R3HCC1L: variants seen among roughly 807,000 people sequenced by gnomAD.
R3HCC1L encodes the protein coiled-coil domain-containing protein R3HCC1L.
A neutral mutation model predicts 59.9 loss-of-function variants in R3HCC1L; 51 were observed. The ratio of observed to expected loss-of-function variants is 0.85; its 90% CI spans 0.68 to 1.07. The LOEUF (loss-of-function observed/expected upper bound fraction) is 1.07, where lower values mean the gene tolerates loss of function less well. Among genes scored for constraint, R3HCC1L ranks in the 50% least tolerant of loss-of-function variants. The pLI, the probability that R3HCC1L is intolerant of heterozygous loss-of-function variation, is 0.00. For synonymous variants in R3HCC1L, 322 were observed against 315.2 expected (o/e 1.02, Z -0.23); for missense variants, 965 against 933.0 (o/e 1.03, Z -0.45).
At chr10:98,150,946 C>T (rs1420500257) in intron 1 of R3HCC1L, among the ~76,000 whole-genome samples, 1 of 152,162 alleles carries the variant, frequency 6.6e-6, no homozygotes, top group Non-Finnish European at 1.5e-5. Context: ...CCACCTTATT[C>T]TCTTTTTCCG....
chr10:98,243,895 T>C (rs1214291248), intron 9 of R3HCC1L, among the ~76,000 whole-genome samples, 196 bp from the exon 10 acceptor site: 2 of 152,240 alleles, frequency 1.3e-5, no homozygotes, highest in Non-Finnish European at 2.9e-5. Flanking sequence ...TAGTAGTAAA[T>C]GTAATGACTT....
intron 9 of R3HCC1L, among the ~76,000 whole-genome samples, chr10:98,242,335 C>T (rs372543490): frequency 6.6e-6 from 1 of 151,948 alleles, no homozygotes; most frequent in East Asian, 1.9e-4. Flanking sequence ...GGTGACAGAG[C>T]GAGACTCCAT....
intron 4 of R3HCC1L, 33 bp from the exon 5 acceptor site, chr10:98,208,068 G>A (rs763661257): frequency 6.5e-7 from 1 of 1,534,212 alleles, no homozygotes; most frequent in Middle Eastern, 1.7e-4. Flanking sequence ...ATTGTAATTA[G>A]TGTCTAATAA....
intron 5 of R3HCC1L, among the ~76,000 whole-genome samples, chr10:98,229,133 T>C (rs1423938539): frequency 1.3e-5 from 2 of 152,162 alleles, no homozygotes; most frequent in African/African-American, 4.8e-5. Context: ...AAGTCATTGG[T>C]AGCTTGATGG....
At chr10:98,163,901 T>C (rs1847683056) in intron 4 of R3HCC1L, among the ~76,000 whole-genome samples, 1 of 152,246 alleles carries the variant, frequency 6.6e-6, no homozygotes, top group African/African-American at 2.4e-5. Context: ...TTTTAACTTT[T>C]AAATATTACC....
At chr10:98,140,591 CAGAA>C (rs1243608430) in intron 1 of R3HCC1L, among the ~76,000 whole-genome samples, 1 of 151,888 alleles carries the variant, frequency 6.6e-6, no homozygotes. Flanking sequence ...GGGAGGGAGA[CAGAA>C]AGAGTGAATG....
At chr10:98,159,453 G>A (rs1313222908) in intron 2 of R3HCC1L, among the ~76,000 whole-genome samples, 1 of 151,924 alleles carries the variant, frequency 6.6e-6, no homozygotes, top group Non-Finnish European at 1.5e-5. Context: ...AAAGTATTTT[G>A]TGTAAAAATA....
intron 4 of R3HCC1L, among the ~76,000 whole-genome samples, chr10:98,188,339 C>A (rs527336492): frequency 6.6e-6 from 1 of 152,084 alleles, no homozygotes; most frequent in East Asian, 1.9e-4. Flanking sequence ...ATACCCAGCC[C>A]GCATTTACTC....
chr10:98,163,583 A>C (rs1171092383), intron 4 of R3HCC1L, among the ~76,000 whole-genome samples, 186 bp downstream of exon 4: 1 of 152,222 alleles, frequency 6.6e-6, no homozygotes, highest in Non-Finnish European at 1.5e-5. Context: ...TCTATTTACT[A>C]TCTGTCTTAA....
intron 5 of R3HCC1L, among the ~76,000 whole-genome samples, chr10:98,212,767 G>C (rs191719525): frequency 4.6e-5 from 7 of 152,248 alleles, no homozygotes; most frequent in Admixed American, 4.6e-4. Flanking sequence ...GGGATACCAA[G>C]AACATAACAT....
chr10:98,151,722 G>A (rs986836634), intron 1 of R3HCC1L, among the ~76,000 whole-genome samples: 2 of 152,128 alleles, frequency 1.3e-5, no homozygotes, highest in Non-Finnish European at 2.9e-5. Flanking sequence ...CATAGTAAGG[G>A]TGCAGGAGGC....
At chr10:98,176,133 A>G (rs1848994729) in intron 4 of R3HCC1L, among the ~76,000 whole-genome samples, 1 of 152,126 alleles carries the variant, frequency 6.6e-6, no homozygotes, top group Admixed American at 6.6e-5. Context: ...ATACATCTAA[A>G]TGTTTACCCT....
Position 98,208,264 on chromosome 10 carries a change from G to A in R3HCC1L, c.150G>A (p.Lys50=). 6.2e-7 allele frequency: 1 copy of A among 1,613,972 alleles called. No individual in the cohort carries two copies. Among genetic ancestry groups the A allele is most frequent in the Non-Finnish European group, 8.5e-7 (1 of 1,179,960 alleles). ...CACCTAACTCTGTGGTGAAAGAAAAGCAAAAAGAAAGTTCTCTCTCCCAAA... is the reference window on the plus strand; with the variant it reads ...CACCTAACTCTGTGGTGAAAGAAAAACAAAAAGAAAGTTCTCTCTCCCAAA... ...CGSPNSVVKE[K]QKESSLSQKE... The change falls in exon 5 of 10, where the codon AAG becomes AAA. Residue 50 remains lysine, a synonymous_variant. Transcript: ENST00000298999.
chr10:98,241,677 T>C (rs1192418512), intron 9 of R3HCC1L, among the ~76,000 whole-genome samples: 1 of 152,194 alleles, frequency 6.6e-6, no homozygotes, highest in African/African-American at 2.4e-5. Flanking sequence ...GGGACATGTT[T>C]CTTTGTCTTT....
chr10:98,234,355 C>A, intron 6 of R3HCC1L, 91 bp from the exon 7 acceptor site: 2 of 1,174,852 alleles, frequency 1.7e-6, no homozygotes, highest in Non-Finnish European at 2.5e-6. Context: ...GTGTTTCTAT[C>A]TTGTGAAATG....
At chr10:98,175,477 A>G (rs1208104790) in intron 4 of R3HCC1L, among the ~76,000 whole-genome samples, 2 of 152,092 alleles carry the variant, frequency 1.3e-5, no homozygotes, top group Admixed American at 6.6e-5. Flanking sequence ...TCAGCCCCTT[A>G]CCTGACCCCA....
At chr10:98,185,204 A>G (rs918465531) in intron 4 of R3HCC1L, among the ~76,000 whole-genome samples, 5 of 151,872 alleles carry the variant, frequency 3.3e-5, no homozygotes, top group African/African-American at 1.2e-4. Context: ...CCAAATTTGT[A>G]TTTTTGTTTG....
chr10:98,228,280 T>TG (rs1564729170), intron 5 of R3HCC1L, among the ~76,000 whole-genome samples: 2 of 152,214 alleles, frequency 1.3e-5, no homozygotes, highest in African/African-American at 4.8e-5. Flanking sequence ...CCATTCTAAC[T>TG]GGTGTGAGAT....
In R3HCC1L at chr10:98,160,394, TTA is replaced by T. The variant is rs1207886008; in HGVS notation, c.-212-2487_-212-2486del. On this transcript the variant is annotated intron_variant, in intron 2 of 9. Transcript: ENST00000298999. The stretch of plus-strand genomic sequence containing the variant: ...ATCTCACTGATATTTTAATAATAGT[TTA>T]TGTTGATTATGTGTTGAAATATTTT... Among the ~76,000 whole-genome samples the T allele has an allele frequency of 4.6e-5, 7 of 152,208 alleles. No individual in the cohort carries two copies. In the South Asian group the frequency reaches 1.2e-3, roughly 27 times the overall value.
Sources: gnomAD v4.1 joint callset for allele counts (sites outside exome capture counted in the v4.1 genomes callset) on GRCh38, gnomAD v4.1.1 for gene constraint, MANE v1.5 for transcripts, NCBI Gene and HGNC (gene_info 2026-07-23, HGNC 2026-07-21) for gene names.